The following TMTC1 variants were observed in gnomAD, a reference collection of about 807,000 sequenced individuals.
The protein encoded by TMTC1 is protein O-mannosyl-transferase TMTC1.
In TMTC1, 73 loss-of-function variants were observed where a neutral mutation model predicts 104.8. The ratio of observed to expected loss-of-function variants is 0.70; its 90% CI spans 0.58 to 0.85. TMTC1 has a LOEUF of 0.85. Among genes scored for constraint, TMTC1 ranks in the 40% least tolerant of loss-of-function variants. TMTC1 has a pLI of 0.00. For synonymous variants in TMTC1, 434 were observed against 428.7 expected (o/e 1.01, Z -0.15); for missense variants, 1,035 against 1,096.1 (o/e 0.94, Z 0.79).
At chr12:29,710,140 T>C (rs1941860743) in intron 5 of TMTC1, among the ~76,000 whole-genome samples, 1 of 152,144 alleles carries the variant, frequency 6.6e-6, no homozygotes, top group East Asian at 1.9e-4. Flanking sequence ...TCTCGTTTGT[T>C]TCCCTCTTTT....
At chr12:29,649,236 G>T (rs1382118266) in intron 5 of TMTC1, among the ~76,000 whole-genome samples, 1 of 152,050 alleles carries the variant, frequency 6.6e-6, no homozygotes. Context: ...TCTGACTCTT[G>T]TTCCTATAGA....
At chr12:29,589,246 A>C (rs1305425910) in intron 7 of TMTC1, among the ~76,000 whole-genome samples, 1 of 152,180 alleles carries the variant, frequency 6.6e-6, no homozygotes, top group East Asian at 1.9e-4. Flanking sequence ...TAAATACTAA[A>C]GACCTCAAAA....
intron 5 of TMTC1, among the ~76,000 whole-genome samples, chr12:29,653,203 T>C (rs1939604594): frequency 6.6e-6 from 1 of 152,018 alleles, no homozygotes; most frequent in Non-Finnish European, 1.5e-5. Flanking sequence ...CAGCTAGAAA[T>C]ATCATTTGAA....
At chr12:29,693,999 G>A (rs1439301427) in intron 5 of TMTC1, among the ~76,000 whole-genome samples, 3 of 152,116 alleles carry the variant, frequency 2.0e-5, no homozygotes, top group Non-Finnish European at 2.9e-5. Context: ...ATTAATAGGT[G>A]TATTAAAAAT....
chr12:29,682,752 G>T (rs1339247137), intron 5 of TMTC1, among the ~76,000 whole-genome samples: 2 of 152,168 alleles, frequency 1.3e-5, no homozygotes, highest in African/African-American at 2.4e-5. Context: ...AGTTGGTTGT[G>T]GGGTAGAGAG....
At chr12:29,751,963 C>G in intron 4 of TMTC1, 91 bp from the exon 5 acceptor site, 1 of 1,257,778 alleles carries the variant, frequency 8.0e-7, no homozygotes, top group Non-Finnish European at 1.1e-6. Flanking sequence ...ACCCACAAGT[C>G]TTGCTTCCTG....
intron 6 of TMTC1, among the ~76,000 whole-genome samples, chr12:29,632,179 C>T (rs1342321306): frequency 6.6e-6 from 1 of 152,182 alleles, no homozygotes; most frequent in Non-Finnish European, 1.5e-5. Flanking sequence ...AGTTTACCAG[C>T]CAATTCCAAC....
intron 5 of TMTC1, among the ~76,000 whole-genome samples, chr12:29,644,285 T>C (rs1264130443): frequency 6.6e-6 from 1 of 151,006 alleles, no homozygotes; most frequent in African/African-American, 2.4e-5. Context: ...CATCGTATGT[T>C]CTCACCGATA....
At chr12:29,620,339 C>T (rs75552095) in intron 6 of TMTC1, among the ~76,000 whole-genome samples, 37 of 152,290 alleles carry the variant, frequency 2.4e-4, no homozygotes, top group Middle Eastern at 6.8e-3. Flanking sequence ...TTCCCTCCCC[C>T]CAGCCTTGGG....
At position 29,656,319 on chromosome 12, in the gene TMTC1, GAT is replaced by G. The variant is rs71045824; in HGVS notation, c.939-22985_939-22984del. ...AACAAATGTCAGTGAAATTTCCCTG[GAT>G]ATATATATATATATATATACACACA... is the stretch of plus-strand genomic sequence containing the variant. On this transcript the variant is annotated intron_variant, in intron 5 of 17. Transcript: ENST00000539277. Among the ~76,000 whole-genome samples the G allele has an allele frequency of 9.3e-4, 129 of 139,068 alleles. 1 individual carries two copies. Among genetic ancestry groups the G allele is most frequent in the East Asian group, 2.3e-3 (11 of 4,880 alleles). 91.2% of individuals were successfully genotyped at this position (139,068 alleles called of 152,430 possible).
At chr12:29,636,940 C>T (rs1938581738) in intron 5 of TMTC1, among the ~76,000 whole-genome samples, 1 of 151,758 alleles carries the variant, frequency 6.6e-6, no homozygotes, top group African/African-American at 2.4e-5. Flanking sequence ...CCTGTAGTCC[C>T]AGCTAGTCCA....
intron 8 of TMTC1, among the ~76,000 whole-genome samples, chr12:29,581,658 C>T (rs1945984115): frequency 6.6e-6 from 1 of 151,948 alleles, no homozygotes; most frequent in Non-Finnish European, 1.5e-5. Context: ...AAGCAGTCAA[C>T]ATCATTAGAA....
intron 10 of TMTC1, among the ~76,000 whole-genome samples, chr12:29,542,851 G>C (rs1354314682): frequency 1.3e-5 from 2 of 152,050 alleles, no homozygotes; most frequent in African/African-American, 4.8e-5. Context: ...TAGAACTCTG[G>C]GGTAATACTG....
chr12:29,581,261 G>T lies in TMTC1; in HGVS notation c.1418+2146C>A, dbSNP rs571947369. Among the ~76,000 whole-genome samples, 10 of 152,290 alleles carry T rather than the reference G, an allele frequency of 6.6e-5. No individual in the cohort carries two copies. In the South Asian group the frequency reaches 2.1e-3, roughly 32 times the overall value. ...CACAAATGAATTCATAAAAACATCT[G>T]TTCTGGCCTTGAAGGAAAAAGAACA... On this transcript the variant is annotated intron_variant, in intron 8 of 17. Transcript: ENST00000539277.
At chr12:29,752,257 C>T (rs1400739762) in intron 4 of TMTC1, among the ~76,000 whole-genome samples, 1 of 152,090 alleles carries the variant, frequency 6.6e-6, no homozygotes, top group Non-Finnish European at 1.5e-5. Context: ...TAAGATATTG[C>T]TCATAGCTGA....
At chr12:29,713,196 C>T (rs1158398016) in intron 5 of TMTC1, among the ~76,000 whole-genome samples, 2 of 151,918 alleles carry the variant, frequency 1.3e-5, no homozygotes, top group Non-Finnish European at 2.9e-5. Context: ...ACACCAACTG[C>T]TGCCTGAATT....
intron 5 of TMTC1, among the ~76,000 whole-genome samples, chr12:29,715,743 T>TA (rs1942058290): frequency 6.6e-6 from 1 of 152,080 alleles, no homozygotes; most frequent in Admixed American, 6.6e-5. Context: ...TCAGGAAACT[T>TA]ACAATCGTGG....
At chr12:29,619,531 T>C (rs1269300893) in intron 6 of TMTC1, among the ~76,000 whole-genome samples, 1 of 152,244 alleles carries the variant, frequency 6.6e-6, no homozygotes. Flanking sequence ...GTGTCCACGT[T>C]GTTCCAACCC....
intron 5 of TMTC1, among the ~76,000 whole-genome samples, chr12:29,698,063 C>CCT (rs1001431782): frequency 1.3e-5 from 2 of 152,102 alleles, no homozygotes; most frequent in African/African-American, 4.8e-5. Flanking sequence ...AAGAGGCTTT[C>CCT]CTCTGATCTT....
Sources: gnomAD v4.1 joint callset for allele counts (sites outside exome capture counted in the v4.1 genomes callset) on GRCh38, gnomAD v4.1.1 for gene constraint, MANE v1.5 for transcripts, NCBI Gene and HGNC (gene_info 2026-07-23, HGNC 2026-07-21) for gene names.